The following VWA3B variants were observed in gnomAD, a reference collection of about 807,000 sequenced individuals.
The protein encoded by VWA3B is von Willebrand factor A domain-containing protein 3B.
Under a neutral mutation model 158.3 loss-of-function variants are expected in VWA3B, and 138 were observed. The observed-to-expected ratio is 0.87, with a 90% CI of 0.76 to 1.00. VWA3B has a LOEUF of 1.00. VWA3B is among the 50% of genes least tolerant of loss of function. VWA3B has a pLI of 0.00. For synonymous variants in VWA3B, 596 were observed against 587.3 expected, an observed-to-expected ratio of 1.01 and a Z score of -0.21; for missense variants, 1,555 against 1,565.1, an observed-to-expected ratio of 0.99 and a Z score of 0.11.
chr2:98,180,302 C>T (rs1446765968), intron 8 of VWA3B, among the ~76,000 whole-genome samples: 1 of 152,164 alleles, frequency 6.6e-6, no homozygotes, highest in Non-Finnish European at 1.5e-5. Flanking sequence ...TGAAGCAGTT[C>T]TGCCTCAGCC....
intron 1 of VWA3B, among the ~76,000 whole-genome samples, chr2:98,089,741 A>G (rs945045005): frequency 6.7e-6 from 1 of 148,482 alleles, no homozygotes; most frequent in South Asian, 2.1e-4. Flanking sequence ...AAATATTCTC[A>G]GGCTACAAAA....
intron 8 of VWA3B, among the ~76,000 whole-genome samples, chr2:98,172,354 CTG>C (rs1421160872): frequency 7.4e-3 from 1 of 136 alleles, no homozygotes; most frequent in Non-Finnish European, 0.014. Flanking sequence ...GGTCAGGGGC[CTG>C]CTGGCCAGGG....
At chr2:98,130,304 A>C (rs1675757790) in intron 6 of VWA3B, among the ~76,000 whole-genome samples, 1 of 152,098 alleles carries the variant, frequency 6.6e-6, no homozygotes, top group Admixed American at 6.6e-5. Context: ...CGGGCTTTAC[A>C]CAGAGACATT....
intron 6 of VWA3B, among the ~76,000 whole-genome samples, chr2:98,129,164 C>T (rs1675617808): frequency 6.6e-6 from 1 of 151,886 alleles, no homozygotes; most frequent in Non-Finnish European, 1.5e-5. Flanking sequence ...TGCCTTCTCA[C>T]TCTGTTCTCA....
intron 19 of VWA3B, among the ~76,000 whole-genome samples, chr2:98,244,922 C>A (rs1686295172): frequency 6.6e-6 from 1 of 152,090 alleles, no homozygotes; most frequent in Non-Finnish European, 1.5e-5. Flanking sequence ...CCCAAACTGG[C>A]CTGTTCATGC....
At chr2:98,191,754 A>G (rs1054976784) in intron 10 of VWA3B, among the ~76,000 whole-genome samples, 3 of 152,150 alleles carry the variant, frequency 2.0e-5, no homozygotes, top group Non-Finnish European at 2.9e-5. Context: ...TGCCTTGATC[A>G]TTATTTAGCC....
chr2:98,295,929 G>C (rs963544332), intron 23 of VWA3B, among the ~76,000 whole-genome samples: 2 of 152,222 alleles, frequency 1.3e-5, no homozygotes, highest in African/African-American at 4.8e-5. Flanking sequence ...CCAGGTTGAA[G>C]CCAGACCGTA....
chr2:98,302,299 T>G (rs1690247284), intron 25 of VWA3B, among the ~76,000 whole-genome samples: 1 of 152,216 alleles, frequency 6.6e-6, no homozygotes, highest in Non-Finnish European at 1.5e-5. Flanking sequence ...ACACTGCACT[T>G]GCCAAACTGG....
intron 19 of VWA3B, among the ~76,000 whole-genome samples, chr2:98,247,859 A>G (rs1197965958): frequency 3.3e-5 from 5 of 152,108 alleles, no homozygotes; most frequent in Admixed American, 6.5e-5. Context: ...AATGCTGATT[A>G]TCTAACCATC....
chr2:98,265,132 C>T lies in VWA3B; in HGVS notation c.2844-5550C>T, dbSNP rs535712132. Among the ~76,000 whole-genome samples, 30 of 150,938 alleles carry T rather than the reference C, an allele frequency of 2.0e-4. No individual in the cohort carries two copies. In the South Asian group the frequency reaches 5.2e-3, roughly 26 times the overall value. The stretch of plus-strand genomic sequence containing the variant: ...TATGTATACATGTGCCATGCTGGTG[C>T]GCTGCACCCACTAACTCATCATCTA... On this transcript the variant is annotated intron_variant, in intron 21 of 27. Transcript: ENST00000477737.
chr2:98,234,866 T>C, intron 17 of VWA3B, 99 bp downstream of exon 17: 2 of 1,515,458 alleles, frequency 1.3e-6, no homozygotes, highest in Non-Finnish European at 1.8e-6. Flanking sequence ...AAATCATATT[T>C]TAAATGGGCC....
downstream of VWA3B, among the ~76,000 whole-genome samples, chr2:98,316,268 A>G (rs553990466): frequency 6.6e-6 from 1 of 152,370 alleles, no homozygotes; most frequent in Non-Finnish European, 1.5e-5. Flanking sequence ...ACCTGTCTGC[A>G]AACATGCCTT....
chr2:98,088,807 G>A (rs1682056052), intron 1 of VWA3B, among the ~76,000 whole-genome samples: 1 of 152,092 alleles, frequency 6.6e-6, no homozygotes, highest in South Asian at 2.1e-4. Context: ...AGGCTGGAGT[G>A]CAGTGGTGCA....
rs1674843385 is a variant in VWA3B at position 98,120,002 on chromosome 2, T to C, written c.542+239T>C. Among the ~76,000 whole-genome samples the C allele has an allele frequency of 1.3e-5, 2 of 152,228 alleles. 1 individual carries two copies. The highest frequency in any genetic ancestry group is 2.9e-5 in the Non-Finnish European group (2 of 68,038). On this transcript the variant is annotated intron_variant, in intron 4 of 27. Transcript: ENST00000477737. ...ATTAAAAGAGATTTAGAAACATGCA[T>C]TTCTTCAGTGCATGGGAAGGTTAAA...
chr2:98,214,428 A>T (rs1683801510), intron 13 of VWA3B, among the ~76,000 whole-genome samples: 1 of 152,150 alleles, frequency 6.6e-6, no homozygotes, highest in Non-Finnish European at 1.5e-5. Context: ...TTTGAATAGT[A>T]ATGTGTTCTA....
Position 98,236,488 on chromosome 2 carries a change from T to C in VWA3B, c.2516+11T>C. 2 of 1,614,238 alleles carry C rather than the reference T, an allele frequency of 1.2e-6. No individual in the cohort carries two copies. Among genetic ancestry groups the C allele is most frequent in the Non-Finnish European group, 1.7e-6 (2 of 1,180,026 alleles). On this transcript the variant is annotated intron_variant, in intron 18 of 27. Coordinates refer to ENST00000477737, the MANE Select transcript of VWA3B (RefSeq NM_144992.5). ...GGTTTATGACCACGAGTGAGTTCTTTAATTTGACAAAGACAGTTCTGTTAT... is the reference window on the plus strand; with the variant it reads ...GGTTTATGACCACGAGTGAGTTCTTCAATTTGACAAAGACAGTTCTGTTAT...
chr2:98,093,933 G>A (rs1266736575), intron 2 of VWA3B, among the ~76,000 whole-genome samples: 1 of 152,104 alleles, frequency 6.6e-6, no homozygotes, highest in Non-Finnish European at 1.5e-5. Flanking sequence ...TTAACATAAT[G>A]CCCTTGAGGT....
At chr2:98,129,495 G>T (rs761698991) in intron 6 of VWA3B, among the ~76,000 whole-genome samples, 10 of 152,116 alleles carry the variant, frequency 6.6e-5, no homozygotes, top group South Asian at 4.1e-4. Flanking sequence ...TATCTCCAAA[G>T]ACAGTCACAT....
chr2:98,097,177 T>C (rs1054459291), intron 2 of VWA3B, among the ~76,000 whole-genome samples: 1 of 152,152 alleles, frequency 6.6e-6, no homozygotes, highest in African/African-American at 2.4e-5. Context: ...AGTGGTGAAG[T>C]CTGAGATTTC....
Sources: gnomAD v4.1 joint callset for allele counts (sites outside exome capture counted in the v4.1 genomes callset) on GRCh38, gnomAD v4.1.1 for gene constraint, MANE v1.5 for transcripts, NCBI Gene and HGNC (gene_info 2026-07-23, HGNC 2026-07-21) for gene names.